The following STK33 variants were observed in gnomAD, a reference collection of about 807,000 sequenced individuals.
The protein encoded by STK33 is serine/threonine kinase 33.
A neutral mutation model predicts 58.0 loss-of-function variants in STK33; 52 were observed. The observed-to-expected ratio is 0.90, with a 90% CI of 0.72 to 1.13. The LOEUF is 1.13. Among genes scored for constraint, STK33 ranks in the 50% most tolerant of loss-of-function variants. The pLI is 0.00. For missense variants in STK33, 630 were observed against 604.2 expected (o/e 1.04, Z -0.45); for synonymous variants, 215 against 200.1 (o/e 1.07, Z -0.63).
At chr11:8,452,020 C>G (rs571532151) in intron 11 of STK33, among the ~76,000 whole-genome samples, 9 of 152,072 alleles carry the variant, frequency 5.9e-5, no homozygotes, top group African/African-American at 1.4e-4. Context: ...CCGGCCAACA[C>G]GGCAAAAACC....
At chr11:8,580,023 T>A (rs2029870254) in intron 1 of STK33, among the ~76,000 whole-genome samples, 1 of 152,154 alleles carries the variant, frequency 6.6e-6, no homozygotes, top group Non-Finnish European at 1.5e-5. Flanking sequence ...TTTTGGGATG[T>A]AAATTAGTAC....
At chr11:8,516,918 G>A (rs926952330) in intron 1 of STK33, among the ~76,000 whole-genome samples, 4 of 152,108 alleles carry the variant, frequency 2.6e-5, no homozygotes, top group African/African-American at 9.7e-5. Context: ...GGGCATAGCT[G>A]AAAAAAAGGC....
At chr11:8,449,817 G>A (rs1246703689) in intron 11 of STK33, among the ~76,000 whole-genome samples, 1 of 152,060 alleles carries the variant, frequency 6.6e-6, no homozygotes, top group African/African-American at 2.4e-5. Context: ...ATCATCACTG[G>A]TCTTTAGAGA....
At chr11:8,564,552 T>C (rs975018865) in intron 1 of STK33, among the ~76,000 whole-genome samples, 1 of 152,208 alleles carries the variant, frequency 6.6e-6, no homozygotes, top group African/African-American at 2.4e-5. Flanking sequence ...TTGTATAGCA[T>C]GTGAATGTAC....
Position 8,452,859 on chromosome 11 carries a change from GGC to G in STK33, c.832_833del (p.Ala278HisfsTer15). ...LAVKKQSRSE[A>X]MLQATCGTPI... ...GAGTCCCACATGTGGCCTGCAGCAT[GGC>G]TTCACTCCTACTTTGCTTCTTCACC... On this transcript the variant is annotated frameshift_variant, in exon 11 of 16. Transcript: ENST00000687296. LOFTEE classifies it high-confidence loss of function. 1 of 1,614,096 alleles carries G rather than the reference GGC, an allele frequency of 6.2e-7. No homozygotes were observed.
At chr11:8,433,567 A>G (rs1943668619) in intron 14 of STK33, among the ~76,000 whole-genome samples, 1 of 152,182 alleles carries the variant, frequency 6.6e-6, no homozygotes, top group African/African-American at 2.4e-5. Flanking sequence ...CTTGGATGCC[A>G]CATAAGCATT....
At chr11:8,377,520 G>C in the STK33 span, among the ~76,000 whole-genome samples, 1 of 152,150 alleles carries the variant, frequency 6.6e-6, no homozygotes, top group Non-Finnish European at 1.5e-5. Flanking sequence ...CCATCATACT[G>C]AATGGGGAAA....
chr11:8,399,189 T>A (rs1216341478), intron 15 of STK33, among the ~76,000 whole-genome samples: 1 of 152,174 alleles, frequency 6.6e-6, no homozygotes, highest in Non-Finnish European at 1.5e-5. Context: ...ACACCACACC[T>A]ATTCCAAAAT....
the STK33 span, among the ~76,000 whole-genome samples, chr11:8,378,438 A>T: frequency 1.3e-5 from 2 of 152,230 alleles, no homozygotes; most frequent in Non-Finnish European, 2.9e-5. Context: ...GAATCGCTTG[A>T]ACCTGGGAGG....
Position 8,474,758 on chromosome 11 carries a change from TAC to T in STK33, c.146_147del (p.Gly49GlufsTer58), listed in dbSNP as rs767566379. 1.2e-6 allele frequency: 2 copies of T among 1,613,568 alleles called. No homozygotes were observed. Among genetic ancestry groups the T allele is most frequent in the Non-Finnish European group, 1.7e-6 (2 of 1,179,840 alleles). On this transcript the variant is annotated frameshift_variant, in exon 5 of 16. Transcript: ENST00000687296. LOFTEE classifies it high-confidence loss of function. Reference protein sequence around the residue: ...VVEMSQTSSIGSAESLISLER... With the variant: ...VVEMSQTSSIXSAESLISLER... The stretch of plus-strand genomic sequence containing the variant: ...TCCAGTGAAATTAAAGATTCTGCAC[TAC>T]CAATGCTTGATGTCTGTGACATTTC...
At chr11:8,431,173 A>T (rs1418307653) in intron 14 of STK33, among the ~76,000 whole-genome samples, 1 of 152,030 alleles carries the variant, frequency 6.6e-6, no homozygotes, top group Admixed American at 6.6e-5. Flanking sequence ...CCTCCTTAAC[A>T]TAATTTTTAT....
the STK33 span, among the ~76,000 whole-genome samples, chr11:8,341,017 C>G: frequency 6.6e-6 from 1 of 152,318 alleles, no homozygotes; most frequent in South Asian, 2.1e-4. Context: ...TGCCACCACA[C>G]CAACTAATTT....
intron 11 of STK33, among the ~76,000 whole-genome samples, chr11:8,452,432 T>C (rs531914227): frequency 1.8e-4 from 27 of 152,236 alleles, no homozygotes; most frequent in South Asian, 4.1e-4. Context: ...CATTATGTCA[T>C]GATGGCAAAA....
chr11:8,549,906 A>T lies in STK33; in HGVS notation c.-466+44177T>A, dbSNP rs7949328. On this transcript the variant is annotated intron_variant, in intron 1 of 15. Coordinates refer to ENST00000687296, the MANE Select transcript of STK33 (RefSeq NM_001352389.2). ...CAAAGGTTTGTTGATTTTCATATTT[A>T]AAAAAAACCAACTTTTAAATTCATT... Among the ~76,000 whole-genome samples, 711 of 152,072 alleles carry T rather than the reference A, an allele frequency of 4.7e-3. 3 individuals carry two copies. The highest frequency in any genetic ancestry group is 0.016 in the African/African-American group (680 of 41,496).
At chr11:8,549,418 T>C (rs1956157657) in intron 1 of STK33, among the ~76,000 whole-genome samples, 1 of 152,188 alleles carries the variant, frequency 6.6e-6, no homozygotes, top group South Asian at 2.1e-4. Context: ...ATTGGGGATA[T>C]TGGCCTGTAG....
intron 1 of STK33, among the ~76,000 whole-genome samples, chr11:8,532,293 C>T (rs1353994944): frequency 6.6e-6 from 1 of 152,218 alleles, no homozygotes; most frequent in Non-Finnish European, 1.5e-5. Context: ...CCAAATCTGG[C>T]CTGTCGCTTG....
chr11:8,340,198 T>C, the STK33 span, among the ~76,000 whole-genome samples: 22 of 152,214 alleles, frequency 1.4e-4, no homozygotes, highest in African/African-American at 4.6e-4. Flanking sequence ...AGGAAAGGAA[T>C]GAAGGGGCTT....
At chr11:8,448,005 C>A (rs996805164) in intron 11 of STK33, among the ~76,000 whole-genome samples, 2 of 151,888 alleles carry the variant, frequency 1.3e-5, no homozygotes, top group Non-Finnish European at 2.9e-5. Flanking sequence ...AGACAGACAG[C>A]CAAATCGTTA....
At chr11:8,578,732 T>C (rs1958357934) in intron 1 of STK33, among the ~76,000 whole-genome samples, 1 of 151,862 alleles carries the variant, frequency 6.6e-6, no homozygotes, top group African/African-American at 2.4e-5. Context: ...TTTTTTAAAA[T>C]TATATACCAA....
Sources: gnomAD v4.1 joint callset for allele counts (sites outside exome capture counted in the v4.1 genomes callset) on GRCh38, gnomAD v4.1.1 for gene constraint, MANE v1.5 for transcripts, NCBI Gene and HGNC (gene_info 2026-07-23, HGNC 2026-07-21) for gene names.